The following NBEA variants were observed in gnomAD, a reference collection of about 807,000 sequenced individuals.
NBEA encodes the protein lysosomal-trafficking regulator 2.
A neutral mutation model predicts 343.4 loss-of-function variants in NBEA; 44 were observed. The ratio of observed to expected loss-of-function variants is 0.13; its 90% CI spans 0.10 to 0.16. NBEA has a LOEUF of 0.16. Ranked by LOEUF, NBEA falls within the 10% of genes least tolerant of loss-of-function variation. The pLI, the probability that NBEA is intolerant of heterozygous loss-of-function variation, is 1.00. For missense variants in NBEA, 2,555 were observed against 3,631.3 expected (o/e 0.70, Z 7.62); for synonymous variants, 1,175 against 1,238.7 (o/e 0.95, Z 1.08).
chr13:35,014,404 G>T (rs1439181367), intron 1 of NBEA, among the ~76,000 whole-genome samples: 2 of 152,012 alleles, frequency 1.3e-5, no homozygotes, highest in African/African-American at 4.8e-5. Flanking sequence ...CAAAGTTGTT[G>T]CATACTTCAC....
chr13:35,083,658 C>A (rs2064553958), intron 10 of NBEA, among the ~76,000 whole-genome samples: 1 of 152,098 alleles, frequency 6.6e-6, no homozygotes, highest in African/African-American at 2.4e-5. Context: ...AAAAACATGC[C>A]AAATTGTAAA....
chr13:35,601,526 G>A (rs1449968863), intron 47 of NBEA, among the ~76,000 whole-genome samples: 2 of 152,108 alleles, frequency 1.3e-5, no homozygotes, highest in African/African-American at 4.8e-5. Context: ...CCCTTTGGGA[G>A]GCTGAGGTAG....
Position 35,559,909 on chromosome 13 carries a change from C to T in NBEA, c.6922+4807C>T, listed in dbSNP as rs369795679. On this transcript the variant is annotated intron_variant, in intron 44 of 58. Coordinates refer to ENST00000379939, the MANE Select transcript of NBEA (RefSeq NM_001385012.1). ...TCCCACCACTGGACTCCAGCCTGGGCGACAGAGCGAGACTCCGTCTCAAAA... is the reference window on the plus strand; with the variant it reads ...TCCCACCACTGGACTCCAGCCTGGGTGACAGAGCGAGACTCCGTCTCAAAA... 9.6e-4 allele frequency among the ~76,000 whole-genome samples: 127 copies of T among 132,304 alleles called. 1 individual carries two copies. The highest frequency in any genetic ancestry group is 3.3e-3 in the African/African-American group (117 of 34,990). The allele number at this position is 132,304 out of a possible 152,430, so 86.8% of individuals were successfully genotyped here. A position where few individuals can be genotyped will look rare whatever the true frequency, so the allele number is the denominator to read the frequency against.
intron 1 of NBEA, among the ~76,000 whole-genome samples, chr13:34,995,389 C>G (rs2060903795): frequency 6.6e-6 from 1 of 150,940 alleles, no homozygotes. Flanking sequence ...CCACTGCACT[C>G]CAGCCTGGGT....
At chr13:35,287,940 A>C (rs2035542424) in intron 34 of NBEA, among the ~76,000 whole-genome samples, 1 of 152,078 alleles carries the variant, frequency 6.6e-6, no homozygotes, top group Non-Finnish European at 1.5e-5. Flanking sequence ...AGTTATTTGT[A>C]AATTCTAAAG....
intron 1 of NBEA, among the ~76,000 whole-genome samples, chr13:34,968,591 C>A (rs538787297): frequency 2.6e-5 from 4 of 152,004 alleles, no homozygotes; most frequent in Non-Finnish European, 5.9e-5. Context: ...GGCCAATGGC[C>A]GTATAATAAA....
At chr13:35,652,216 G>A (rs1447877409) in intron 53 of NBEA, among the ~76,000 whole-genome samples, 2 of 151,932 alleles carry the variant, frequency 1.3e-5, no homozygotes, top group African/African-American at 4.8e-5. Context: ...GCTGGGGGAG[G>A]AATAGCATTA....
chr13:35,216,598 TATTCA>T (rs1778630280), intron 33 of NBEA, among the ~76,000 whole-genome samples: 1 of 151,986 alleles, frequency 6.6e-6, no homozygotes, highest in African/African-American at 2.4e-5. Context: ...GTATTTTTTA[TATTCA>T]ATTCAATATT....
intron 42 of NBEA, 30 bp downstream of exon 42, chr13:35,550,624 T>C (rs2079272475): frequency 7.3e-7 from 1 of 1,371,714 alleles, no homozygotes; most frequent in Admixed American, 1.8e-5. Flanking sequence ...TGAAAGAAAA[T>C]GTGCTCATAT....
intron 10 of NBEA, among the ~76,000 whole-genome samples, chr13:35,097,308 T>A (rs1422151456): frequency 6.6e-6 from 1 of 151,848 alleles, no homozygotes. Context: ...CTTGTAAGAA[T>A]GAGTACTTCT....
chr13:35,341,635 T>C (rs570516905), intron 36 of NBEA, among the ~76,000 whole-genome samples: 1 of 152,140 alleles, frequency 6.6e-6, no homozygotes, highest in East Asian at 1.9e-4. Context: ...AATGGACACA[T>C]GAAAAGATTC....
intron 23 of NBEA, among the ~76,000 whole-genome samples, chr13:35,163,913 G>T (rs904445146): frequency 2.2e-4 from 34 of 151,962 alleles, no homozygotes; most frequent in Non-Finnish European, 7.4e-5. Flanking sequence ...TAAATTTTTA[G>T]GTTTTCGGTT....
At chr13:35,082,223 C>T (rs992123821) in intron 10 of NBEA, among the ~76,000 whole-genome samples, 5 of 152,054 alleles carry the variant, frequency 3.3e-5, no homozygotes, top group Admixed American at 2.0e-4. Context: ...CAGCTTCATC[C>T]ATGTCCCTAC....
At position 35,045,359 on chromosome 13, in the gene NBEA, C is replaced by G. The variant is rs535200567; in HGVS notation, c.681C>G (p.His227Gln). The change falls in exon 4 of 59, where the codon CAC (histidine) becomes CAG (glutamine). Residue 227 changes from histidine to glutamine, a missense_variant. By Grantham distance (24) the His-to-Gln change is conservative (BLOSUM62 0). Transcript: ENST00000379939. ...LSVLNQMPQR[H>Q]GPDTFFNFPG... ...TTCTTAATCAGATGCCACAGAGACA[C>G]GGTCCTGATACTTTTTTCAATTTCC... is the stretch of plus-strand genomic sequence containing the variant. The G allele has an allele frequency of 6.2e-7, 1 of 1,612,444 alleles. No homozygotes were observed. Among genetic ancestry groups the G allele is most frequent in the Non-Finnish European group, 8.5e-7 (1 of 1,179,250 alleles).
chr13:35,409,301 A>G (rs1241863750), intron 38 of NBEA, among the ~76,000 whole-genome samples: 1 of 152,120 alleles, frequency 6.6e-6, no homozygotes, highest in Non-Finnish European at 1.5e-5. Context: ...ATGAGAACAC[A>G]TGACACATAG....
chr13:34,977,680 T>G (rs890008457), intron 1 of NBEA, among the ~76,000 whole-genome samples: 5 of 152,182 alleles, frequency 3.3e-5, no homozygotes, highest in Non-Finnish European at 7.3e-5. Context: ...TCTAATTCAT[T>G]TTGATAGTTG....
At chr13:35,539,277 G>A (rs566527698) in intron 41 of NBEA, among the ~76,000 whole-genome samples, 1 of 152,202 alleles carries the variant, frequency 6.6e-6, no homozygotes, top group Non-Finnish European at 1.5e-5. Context: ...GGATCTCCTA[G>A]CTTAATCATT....
At position 35,452,100 on chromosome 13, in the gene NBEA, G is replaced by C. The variant is rs910146888; in HGVS notation, c.6313G>C (p.Glu2105Gln). ...ATTTTTGTTGTGATTAGGCACGGAA[G>C]AAGATGTAGTAAAGTCAAAGAAAAC... is the stretch of plus-strand genomic sequence containing the variant. ...LKAAIEYGTEEDVVKSKKTFR... is the reference protein window; with the variant it reads ...LKAAIEYGTEQDVVKSKKTFR... The change falls in exon 40 of 59, where the codon GAA becomes CAA. Residue 2105 changes from glutamate (E) to glutamine (Q), a missense_variant. Around this residue, in one of 21 missense-constraint regions of NBEA, gnomAD observed 246 missense variants for 313.7 expected, o/e 0.78. Coordinates refer to ENST00000379939, the MANE Select transcript of NBEA (RefSeq NM_001385012.1). 7 of 1,611,638 alleles carry C rather than the reference G, an allele frequency of 4.3e-6. No homozygotes were observed. In the African/African-American group the frequency reaches 9.4e-5, roughly 22 times the overall value.
At chr13:35,129,978 G>A (rs1408483009) in intron 17 of NBEA, among the ~76,000 whole-genome samples, 2 of 152,138 alleles carry the variant, frequency 1.3e-5, no homozygotes, top group Admixed American at 6.5e-5. Context: ...AGTGATTTTA[G>A]TGCTAATAAA....
Sources: gnomAD v4.1 joint callset for allele counts (sites outside exome capture counted in the v4.1 genomes callset) on GRCh38, gnomAD v4.1.1 for gene constraint, gnomAD v4.1.1 regional missense constraint, MANE v1.5 for transcripts, NCBI Gene and HGNC (gene_info 2026-07-23, HGNC 2026-07-21) for gene names.